Variants in AUTS2 observed in about 807,000 individuals in gnomAD.
AUTS2 encodes activator of transcription and developmental regulator AUTS2, also known as autism susceptibility gene 2 protein.
Under a neutral mutation model 112.4 loss-of-function variants are expected in AUTS2, and 17 were observed. The observed-to-expected ratio is 0.15, with a 90% CI of 0.10 to 0.23. The LOEUF (loss-of-function observed/expected upper bound fraction) is 0.23, where lower values mean the gene tolerates loss of function less well. AUTS2 is among the 10% of genes least tolerant of loss of function. The pLI is 1.00. For missense variants in AUTS2, 1,510 were observed against 1,701.6 expected (o/e 0.89, Z 1.98); for synonymous variants, 751 against 702.7 (o/e 1.07, Z -1.09).
intron 2 of AUTS2, among the ~76,000 whole-genome samples, chr7:69,915,173 C>T (rs1293729644): frequency 2.0e-5 from 3 of 152,144 alleles, no homozygotes; most frequent in African/African-American, 7.2e-5. Flanking sequence ...TTGAACATCT[C>T]CTAGAGAGGG....
chr7:70,501,562 A>T (rs745510014), intron 5 of AUTS2, among the ~76,000 whole-genome samples: 4 of 152,088 alleles, frequency 2.6e-5, no homozygotes, highest in Non-Finnish European at 5.9e-5. Flanking sequence ...ACTTACCCTC[A>T]GGCCCTTTCA....
At chr7:69,973,638 C>A (rs778971740) in intron 2 of AUTS2, among the ~76,000 whole-genome samples, 5 of 151,960 alleles carry the variant, frequency 3.3e-5, no homozygotes, top group Non-Finnish European at 7.4e-5. Context: ...TTTTTTTTAT[C>A]ATGAATGGAT....
chr7:70,697,132 C>A (rs896521965), intron 5 of AUTS2, among the ~76,000 whole-genome samples: 16 of 152,012 alleles, frequency 1.1e-4, no homozygotes, highest in African/African-American at 3.9e-4. Flanking sequence ...CTCCCATTAA[C>A]ATTTTTTTTT....
At chr7:69,757,800 C>T (rs1183416264) in intron 1 of AUTS2, among the ~76,000 whole-genome samples, 1 of 152,042 alleles carries the variant, frequency 6.6e-6, no homozygotes, top group Non-Finnish European at 1.5e-5. Context: ...TTACTAAAAC[C>T]CAGGACAGTG....
intron 2 of AUTS2, among the ~76,000 whole-genome samples, chr7:69,995,459 C>T (rs923318499): frequency 3.9e-5 from 6 of 152,074 alleles, no homozygotes; most frequent in African/African-American, 9.7e-5. Flanking sequence ...AATTAAATAC[C>T]GACTGACTAT....
chr7:69,685,251 T>C (rs2129172339), intron 1 of AUTS2, among the ~76,000 whole-genome samples: 1 of 152,342 alleles, frequency 6.6e-6, no homozygotes, highest in Non-Finnish European at 1.5e-5. Flanking sequence ...TCAGATCATT[T>C]TGGGGCATGA....
chr7:69,729,198 A>G (rs1000576145), intron 1 of AUTS2, among the ~76,000 whole-genome samples: 14 of 152,152 alleles, frequency 9.2e-5, no homozygotes, highest in African/African-American at 3.1e-4. Context: ...ATATACATAT[A>G]TAATACATAC....
intron 6 of AUTS2, among the ~76,000 whole-genome samples, chr7:70,701,028 C>A (rs997256542): frequency 1.3e-5 from 2 of 152,220 alleles, no homozygotes; most frequent in African/African-American, 2.4e-5. Flanking sequence ...GACAATCTAA[C>A]CAGAGTGCAG....
chr7:70,308,230 A>G (rs1430651923), intron 4 of AUTS2, among the ~76,000 whole-genome samples: 2 of 152,198 alleles, frequency 1.3e-5, no homozygotes, highest in Non-Finnish European at 2.9e-5. Context: ...AGATAAGGGA[A>G]TTGTTGCAGT....
At chr7:69,871,027 G>C (rs1277367238) in intron 1 of AUTS2, among the ~76,000 whole-genome samples, 1 of 152,162 alleles carries the variant, frequency 6.6e-6, no homozygotes, top group Admixed American at 6.6e-5. Context: ...TTACCGCACA[G>C]TGGAAACACT....
chr7:70,594,304 T>A (rs1181730841), intron 5 of AUTS2, among the ~76,000 whole-genome samples: 1 of 151,900 alleles, frequency 6.6e-6, no homozygotes, highest in African/African-American at 2.4e-5. Context: ...TCCCCTGGGG[T>A]TGGGGGGCAG....
intron 2 of AUTS2, among the ~76,000 whole-genome samples, chr7:70,003,850 A>T (rs1257231916): frequency 1.1e-5 from 1 of 91,354 alleles, no homozygotes; most frequent in Non-Finnish European, 1.9e-5. Context: ...AATGTGTTAT[A>T]TATGAATATA....
chr7:70,028,064 GC>G lies in AUTS2; in HGVS notation c.523-90060del, dbSNP rs565687990. Among the ~76,000 whole-genome samples the G allele has an allele frequency of 1.5e-4, 23 of 150,182 alleles. No homozygotes were observed. The East Asian group carries it at 1.8e-3, about 12-fold the overall frequency. ...GTTCATATTCTTTCCCGCTCTGTCC[GC>G]CCCCCCCACCCTCATCTTGCTTGCA... On this transcript the variant is annotated intron_variant, in intron 2 of 18. Transcript: ENST00000342771.
intron 2 of AUTS2, among the ~76,000 whole-genome samples, chr7:70,070,133 T>C (rs901971915): frequency 6.6e-6 from 1 of 152,132 alleles, no homozygotes; most frequent in Non-Finnish European, 1.5e-5. Flanking sequence ...TTTCATGTTT[T>C]CTGGTATTCT....
chr7:69,837,391 G>A (rs1218569217), intron 1 of AUTS2, among the ~76,000 whole-genome samples: 2 of 152,086 alleles, frequency 1.3e-5, no homozygotes, highest in African/African-American at 4.8e-5. Flanking sequence ...GCTAGAACTT[G>A]GTAGGGTTCA....
chr7:70,767,013 G>A (rs1789985668), intron 9 of AUTS2, among the ~76,000 whole-genome samples: 1 of 146,936 alleles, frequency 6.8e-6, no homozygotes, highest in African/African-American at 2.5e-5. Flanking sequence ...AACCAGTGAG[G>A]AATTTTTTTT....
chr7:69,692,031 AGCTTGAAGCT>A (rs1446346437), intron 1 of AUTS2, among the ~76,000 whole-genome samples: 2 of 152,086 alleles, frequency 1.3e-5, no homozygotes, highest in African/African-American at 2.4e-5. Flanking sequence ...AGCACCTTAG[AGCTTGAAGCT>A]GAGAGCTTCA....
At chr7:70,435,667 G>C (rs577257781) in intron 4 of AUTS2, 85 bp from the exon 5 acceptor site, 4 of 1,333,830 alleles carry the variant, frequency 3.0e-6, no homozygotes, top group African/African-American at 2.9e-5. Context: ...CACTTTTTTT[G>C]TATGGGGGTT....
chr7:70,341,211 T>C (rs1791248287), intron 4 of AUTS2, among the ~76,000 whole-genome samples: 1 of 152,244 alleles, frequency 6.6e-6, no homozygotes, highest in Non-Finnish European at 1.5e-5. Flanking sequence ...ATATCATTGC[T>C]TTTTAATGAA....
Sources: gnomAD v4.1 joint callset for allele counts (sites outside exome capture counted in the v4.1 genomes callset) on GRCh38, gnomAD v4.1.1 for gene constraint, MANE v1.5 for transcripts, NCBI Gene and HGNC (gene_info 2026-07-23, HGNC 2026-07-21) for gene names.